ZNF875: variants seen among roughly 807,000 people sequenced by gnomAD.
The protein encoded by ZNF875 is HKR1, GLI-Kruppel zinc finger family member.
A neutral mutation model predicts 11.2 loss-of-function variants in ZNF875; 14 were observed. The observed-to-expected ratio is 1.26, with a 90% CI of 0.83 to 1.96. ZNF875 has a LOEUF of 1.96. ZNF875 is among the 30% of genes most tolerant of loss of function. The probability of loss-of-function intolerance (pLI) is 0.00; values close to 1 mark genes in which losing one functional copy is unlikely to be tolerated. For missense variants in ZNF875, 752 were observed against 760.4 expected (o/e 0.99, Z 0.13); for synonymous variants, 301 against 281.1 (o/e 1.07, Z -0.71).
intron 2 of ZNF875, among the ~76,000 whole-genome samples, chr19:37,339,625 A>G (rs540335580): frequency 2.7e-5 from 4 of 148,560 alleles, no homozygotes; most frequent in African/African-American, 7.5e-5. Context: ...CAGTGGTGCA[A>G]TCGATCTCGC....
At chr19:37,329,328 G>A (rs62109235) in intron 4 of ZNF875, among the ~76,000 whole-genome samples, 4,659 of 152,246 alleles carry the variant, frequency 0.031, 114 homozygotes, top group Non-Finnish European at 0.05. Context: ...GACATTCTGG[G>A]AAGGGTGGCC....
chr19:37,346,305 T>C (rs921065336), intron 2 of ZNF875: 2 of 152,198 alleles, frequency 1.3e-5, no homozygotes, highest in African/African-American at 4.8e-5. Flanking sequence ...GAAACTGACG[T>C]GCTGAGCAGC....
rs2040248479 is a variant in ZNF875 at position 37,363,123 on chromosome 19, G to A, written c.1271G>A (p.Cys424Tyr). The change falls in exon 5 of 5, where the codon TGC becomes TAC. Residue 424 changes from cysteine (C) to tyrosine (Y), a missense_variant. By Grantham distance (194) the Cys-to-Tyr change is radical (BLOSUM62 -2). Coordinates refer to ENST00000392153, the MANE Select transcript of ZNF875 (RefSeq NM_001353803.2). ...RTHTGEKPYV[C>Y]TECGRHFSWK... Reference sequence around the variant, plus strand: ...CACACAGGAGAGAAGCCTTATGTATGCACAGAATGTGGGCGTCACTTTAGC... The same window carrying A: ...CACACAGGAGAGAAGCCTTATGTATACACAGAATGTGGGCGTCACTTTAGC... 6.2e-7 allele frequency: 1 copy of A among 1,613,874 alleles called. No homozygotes were observed. The highest frequency in any genetic ancestry group is 2.2e-5 in the East Asian group (1 of 44,828).
At chr19:37,334,626 T>C (rs2037367359), upstream of ZNF875, 1 of 454,514 alleles carries the variant, frequency 2.2e-6, no homozygotes, top group Non-Finnish European at 4.4e-6. Flanking sequence ...TACCCTTCAG[T>C]GTGTAGCGTT....
chr19:37,354,637 A>T (rs1256630057), intron 4 of ZNF875, among the ~76,000 whole-genome samples: 1 of 152,122 alleles, frequency 6.6e-6, no homozygotes, highest in Non-Finnish European at 1.5e-5. Context: ...GTTTGTCCCC[A>T]CCACAACTCA....
At chr19:37,317,494 A>G (rs1285974705), upstream of ZNF875, among the ~76,000 whole-genome samples, 1 of 152,038 alleles carries the variant, frequency 6.6e-6, no homozygotes, top group Non-Finnish European at 1.5e-5. Flanking sequence ...TTTTGATAAC[A>G]AGACTGGCGG....
Position 37,362,357 on chromosome 19 carries a change from A to G in ZNF875, c.505A>G (p.Ser169Gly), listed in dbSNP as rs1449810175. The part of the protein sequence containing the change: ...EDSRLLFGRV[S>G]KNGTSKALSS... ...CTCCAGACTCCTGTTTGGGAGAGTAAGCAAAAATGGCACTTCAAAGGCACT... is the reference window on the plus strand; with the variant it reads ...CTCCAGACTCCTGTTTGGGAGAGTAGGCAAAAATGGCACTTCAAAGGCACT... The change falls in exon 5 of 5, where the codon AGC becomes GGC. Residue 169 changes from serine (S) to glycine (G), a missense_variant. Ser to Gly is a moderately conservative substitution (Grantham distance 56). Coordinates refer to ENST00000392153, the MANE Select transcript of ZNF875 (RefSeq NM_001353803.2). 1.9e-6 allele frequency: 3 copies of G among 1,614,160 alleles called. No individual in the cohort carries two copies. Among genetic ancestry groups the G allele is most frequent in the Non-Finnish European group, 2.5e-6 (3 of 1,180,018 alleles).
intron 3 of ZNF875, among the ~76,000 whole-genome samples, chr19:37,323,908 C>T (rs2031971494): frequency 6.6e-6 from 1 of 152,124 alleles, no homozygotes; most frequent in Admixed American, 6.5e-5. Flanking sequence ...TGATGCAGGG[C>T]CCCAGTGGGT....
In ZNF875 at chr19:37,363,865, T is replaced by C; in HGVS notation, c.*90T>C. The C allele has an allele frequency of 9.4e-7, 1 of 1,060,742 alleles. No individual in the cohort carries two copies. The highest frequency in any genetic ancestry group is 1.4e-6 in the Non-Finnish European group (1 of 712,998). The allele number at this position is 1,060,742 out of a possible 1,614,324, so 65.7% of individuals were successfully genotyped here. ...AGAGGACACACACAGTGCTGTGGCT[T>C]TTTCAGCCATTGCTAGATACCAAAG... On this transcript the variant is annotated 3_prime_UTR_variant, in exon 5 of 5. Transcript: ENST00000392153.
chr19:37,321,299 T>C (rs1467322941), intron 1 of ZNF875, among the ~76,000 whole-genome samples: 5 of 152,200 alleles, frequency 3.3e-5, no homozygotes, highest in African/African-American at 1.2e-4. Flanking sequence ...CCCTGGGCAA[T>C]GGAATGTCTC....
At chr19:37,348,236 T>A (rs1056641371) in intron 4 of ZNF875, among the ~76,000 whole-genome samples, 6 of 152,216 alleles carry the variant, frequency 3.9e-5, no homozygotes, top group Non-Finnish European at 7.3e-5. Flanking sequence ...ATTAATTGAT[T>A]AACTCCACCT....
chr19:37,324,777 C>G (rs2032126156), intron 4 of ZNF875: 1 of 54,680 alleles, frequency 1.8e-5, no homozygotes, highest in Non-Finnish European at 2.8e-5. Flanking sequence ...GAACCTCTCT[C>G]TCTTTTTTTT....
At chr19:37,333,102 T>A (rs2033655214), upstream of ZNF875, among the ~76,000 whole-genome samples, 1 of 152,220 alleles carries the variant, frequency 6.6e-6, no homozygotes, top group Non-Finnish European at 1.5e-5. Context: ...GTCCCCTTAT[T>A]ACTTGACCTG....
intron 1 of ZNF875, among the ~76,000 whole-genome samples, chr19:37,319,654 A>G (rs1400532003): frequency 3.3e-5 from 5 of 152,058 alleles, no homozygotes; most frequent in Non-Finnish European, 5.9e-5. Context: ...TTAGCCACTA[A>G]TGTTTCTCCT....
intron 2 of ZNF875, among the ~76,000 whole-genome samples, chr19:37,340,455 G>A (rs1347328737): frequency 1.3e-5 from 2 of 152,026 alleles, no homozygotes; most frequent in Non-Finnish European, 2.9e-5. Flanking sequence ...ACATGTTTCT[G>A]TAATCCTCGT....
At chr19:37,317,442 G>C (rs1251513701), upstream of ZNF875, among the ~76,000 whole-genome samples, 6 of 152,226 alleles carry the variant, frequency 3.9e-5, no homozygotes, top group South Asian at 1.0e-3. Flanking sequence ...CCAAAGTGTT[G>C]GGATTACAAG....
At chr19:37,359,398 T>C in intron 4 of ZNF875, 1 of 215,154 alleles carries the variant, frequency 4.6e-6, no homozygotes, top group South Asian at 4.7e-5. Context: ...TTGTGAAATA[T>C]ATAGTCTTTT....
At chr19:37,334,645 A>G (rs1471305800), upstream of ZNF875, 1 of 455,862 alleles carries the variant, frequency 2.2e-6, no homozygotes, top group East Asian at 7.0e-5. Flanking sequence ...TTGACGTCAG[A>G]AACACTTCCG....
upstream of ZNF875, among the ~76,000 whole-genome samples, chr19:37,334,009 C>CCCA (rs1450788210): frequency 6.6e-6 from 1 of 152,028 alleles, no homozygotes; most frequent in African/African-American, 2.4e-5. Flanking sequence ...GCTTCGGATC[C>CCCA]CCACCACCAC....
Sources: gnomAD v4.1 joint callset for allele counts (sites outside exome capture counted in the v4.1 genomes callset) on GRCh38, gnomAD v4.1.1 for gene constraint, MANE v1.5 for transcripts, NCBI Gene and HGNC (gene_info 2026-07-23, HGNC 2026-07-21) for gene names.